The following DLGAP2 variants were observed in gnomAD, a reference collection of about 807,000 sequenced individuals.
DLGAP2 encodes disks large-associated protein 2.
A neutral mutation model predicts 100.3 loss-of-function variants in DLGAP2; 26 were observed. The ratio of observed to expected loss-of-function variants is 0.26; its 90% confidence interval spans 0.19 to 0.36. The LOEUF (loss-of-function observed/expected upper bound fraction) is 0.36, where lower values mean the gene tolerates loss of function less well. Ranked by LOEUF, DLGAP2 falls within the 10% of genes least tolerant of loss-of-function variation. DLGAP2 has a pLI of 1.00. For missense variants in DLGAP2, 1,858 were observed against 1,453.2 expected, an observed-to-expected ratio of 1.28 and a Z score of -4.53; for synonymous variants, 886 against 630.1, an observed-to-expected ratio of 1.41 and a Z score of -6.08.
chr8:847,538 G>A (rs186210757), intron 1 of DLGAP2, among the ~76,000 whole-genome samples: 65 of 150,984 alleles, frequency 4.3e-4, no homozygotes, highest in East Asian at 2.1e-3. Context: ...ACAAGGTCTC[G>A]CTCTGTCACC....
intron 2 of DLGAP2, among the ~76,000 whole-genome samples, chr8:1,176,479 C>G (rs889378435): frequency 2.0e-5 from 3 of 152,190 alleles, no homozygotes; most frequent in Non-Finnish European, 4.4e-5. Context: ...AATGTAGTCA[C>G]GAGCATTACA....
At chr8:1,535,444 C>T (rs1003224685) in intron 4 of DLGAP2, among the ~76,000 whole-genome samples, 3 of 152,184 alleles carry the variant, frequency 2.0e-5, no homozygotes, top group Admixed American at 1.3e-4. Flanking sequence ...GCCAAGAGGG[C>T]AGGATTTTAC....
At chr8:1,553,593 C>T (rs1036871507) in intron 5 of DLGAP2, among the ~76,000 whole-genome samples, 4 of 151,964 alleles carry the variant, frequency 2.6e-5, no homozygotes, top group South Asian at 4.2e-4. Context: ...GGAGGGGGTG[C>T]GATGAAAACG....
intron 5 of DLGAP2, among the ~76,000 whole-genome samples, chr8:1,560,438 G>A (rs143008780): frequency 9.9e-5 from 15 of 152,280 alleles, no homozygotes; most frequent in Admixed American, 3.3e-4. Context: ...CCATCCTGTG[G>A]TTTTAATAAA....
rs186001492 is a variant in DLGAP2 at position 1,626,082 on chromosome 8, G to T, written c.1443-658G>T. ...GCTTTCCCATCTCTGGCCTGTGGCG[G>T]GTGCTCAGCCTCTGGGTGTGGGTTG... On this transcript the variant is annotated intron_variant, in intron 6 of 14. Transcript: ENST00000637795. Among the ~76,000 whole-genome samples, 40 of 140,300 alleles carry T rather than the reference G, an allele frequency of 2.9e-4. 6 individuals carry two copies. The East Asian group carries it at 8.4e-3, about 29-fold the overall frequency. 92.0% of individuals were successfully genotyped at this position (140,300 alleles called of 152,430 possible). A position where few individuals can be genotyped will look rare whatever the true frequency, so the allele number is the denominator to read the frequency against.
At chr8:1,166,141 C>T (rs1205700410) in intron 2 of DLGAP2, among the ~76,000 whole-genome samples, 1 of 152,198 alleles carries the variant, frequency 6.6e-6, no homozygotes, top group Non-Finnish European at 1.5e-5. Context: ...TCAGCCCTGT[C>T]CTTCCCCGGC....
chr8:1,110,426 G>C (rs1804915891), intron 2 of DLGAP2, among the ~76,000 whole-genome samples: 1 of 150,514 alleles, frequency 6.6e-6, no homozygotes, highest in African/African-American at 2.4e-5. Flanking sequence ...TGAGAGGTGT[G>C]CATGGGTCTG....
intron 3 of DLGAP2, among the ~76,000 whole-genome samples, chr8:1,358,127 A>C (rs1454241383): frequency 6.6e-6 from 1 of 152,196 alleles, no homozygotes; most frequent in Non-Finnish European, 1.5e-5. Flanking sequence ...AGATTGTAAA[A>C]TAAAAGAGAA....
intron 2 of DLGAP2, among the ~76,000 whole-genome samples, chr8:1,013,351 A>G (rs900853598): frequency 2.0e-5 from 3 of 152,136 alleles, no homozygotes; most frequent in African/African-American, 7.2e-5. Context: ...GCACAGATTA[A>G]AGGACAAGAG....
At chr8:1,492,110 G>A (rs1377885746) in intron 3 of DLGAP2, among the ~76,000 whole-genome samples, 1 of 152,176 alleles carries the variant, frequency 6.6e-6, no homozygotes, top group Non-Finnish European at 1.5e-5. Context: ...TTTAACCACT[G>A]GTAAAAATTC....
At chr8:1,029,359 G>T (rs761375918) in intron 2 of DLGAP2, among the ~76,000 whole-genome samples, 1 of 152,218 alleles carries the variant, frequency 6.6e-6, no homozygotes, top group African/African-American at 2.4e-5. Context: ...AGGGTGGGCA[G>T]AGTAGTGAGG....
chr8:1,599,962 A>G (rs568664241), intron 6 of DLGAP2, among the ~76,000 whole-genome samples: 29 of 152,274 alleles, frequency 1.9e-4, no homozygotes, highest in African/African-American at 5.5e-4. Context: ...ATTTCTTCAT[A>G]GTGTCGATGG....
chr8:806,644 C>T (rs772113211), intron 1 of DLGAP2, among the ~76,000 whole-genome samples: 2 of 152,166 alleles, frequency 1.3e-5, no homozygotes, highest in Non-Finnish European at 2.9e-5. Flanking sequence ...CTGACCCCTT[C>T]GGGGCCAGCG....
intron 3 of DLGAP2, among the ~76,000 whole-genome samples, chr8:1,392,382 A>G (rs1174196452): frequency 6.6e-6 from 1 of 152,004 alleles, no homozygotes; most frequent in Non-Finnish European, 1.5e-5. Flanking sequence ...CTTTCTTCCC[A>G]TCAACTCGCG....
At chr8:1,534,154 A>T (rs191087028) in intron 4 of DLGAP2, among the ~76,000 whole-genome samples, 1 of 152,332 alleles carries the variant, frequency 6.6e-6, no homozygotes, top group East Asian at 1.9e-4. Context: ...AAAGAGAAAG[A>T]TTGATTGGTT....
intron 2 of DLGAP2, among the ~76,000 whole-genome samples, chr8:1,199,908 T>C (rs1473997384): frequency 6.6e-6 from 1 of 151,700 alleles, no homozygotes; most frequent in Non-Finnish European, 1.5e-5. Context: ...CCCCCTCCCC[T>C]GGTGATGACA....
intron 1 of DLGAP2, among the ~76,000 whole-genome samples, chr8:813,266 A>G (rs954486177): frequency 1.3e-5 from 2 of 149,608 alleles, no homozygotes; most frequent in Non-Finnish European, 3.0e-5. Flanking sequence ...TTTCAAAACG[A>G]AAAAAAAACC....
chr8:1,000,386 G>T (rs1447656012), intron 2 of DLGAP2, among the ~76,000 whole-genome samples: 1 of 151,292 alleles, frequency 6.6e-6, no homozygotes, highest in East Asian at 2.0e-4. Context: ...GGAAAGATCT[G>T]GGTTGGGGTG....
intron 14 of DLGAP2, among the ~76,000 whole-genome samples, chr8:1,700,382 ACGGGGCAGG>A: frequency 1.4e-5 from 1 of 72,182 alleles, no homozygotes; most frequent in Non-Finnish European, 2.5e-5. Context: ...AGAAGGGGAG[ACGGGGCAGG>A]TCCCACTGTC....
Sources: allele counts gnomAD v4.1 joint callset (sites outside exome capture counted in the v4.1 genomes callset), GRCh38; gene constraint gnomAD v4.1.1; transcripts MANE v1.5; gene names NCBI Gene and HGNC (gene_info 2026-07-23, HGNC 2026-07-21).